Variants in PITPNB observed in about 807,000 individuals in gnomAD.
PITPNB encodes phosphatidylinositol transfer protein beta.
PITPNB carries 16 observed loss-of-function variants against 45.9 expected under a neutral mutation model. The observed-to-expected ratio is 0.35, with a 90% CI of 0.24 to 0.53. PITPNB has a LOEUF of 0.53. Ranked by LOEUF, PITPNB falls within the 20% of genes least tolerant of loss-of-function variation. The probability of loss-of-function intolerance (pLI) is 0.93; values close to 1 mark genes in which losing one functional copy is unlikely to be tolerated. For missense variants in PITPNB, 188 were observed against 330.5 expected, an observed-to-expected ratio of 0.57 and a Z score of 3.34; for synonymous variants, 112 against 108.9, an observed-to-expected ratio of 1.03 and a Z score of -0.18.
In PITPNB at chr22:27,898,426, G is replaced by GT. The variant is rs956443373; in HGVS notation, c.198-535dup. On this transcript the variant is annotated intron_variant, in intron 3 of 11. Transcript: ENST00000335272. ...AAAAGGTTTTGTGTGTGTGTGTGTG[G>GT]TTTTTTTTTTTTTAAATAGAAGCAA... Among the ~76,000 whole-genome samples, 939 of 142,962 alleles carry GT rather than the reference G, an allele frequency of 6.6e-3. 3 individuals carry two copies. Among genetic ancestry groups the GT allele is most frequent in the African/African-American group, 0.013 (515 of 39,464 alleles). 93.8% of individuals were successfully genotyped at this position (142,962 alleles called of 152,430 possible). A position where few individuals can be genotyped will look rare whatever the true frequency, so the allele number is the denominator to read the frequency against.
chr22:27,854,580 C>A (rs1490328107), intron 11 of PITPNB, among the ~76,000 whole-genome samples: 2 of 152,136 alleles, frequency 1.3e-5, no homozygotes, highest in Admixed American at 6.5e-5. Context: ...GCTTCCAGGA[C>A]AATGTGCTAC....
chr22:27,906,916 G>C (rs1935778522), intron 3 of PITPNB, among the ~76,000 whole-genome samples: 1 of 152,200 alleles, frequency 6.6e-6, no homozygotes, highest in Non-Finnish European at 1.5e-5. Context: ...TTGAGATTAA[G>C]TGTATATATG....
At chr22:27,858,748 G>A (rs1272441526) in intron 9 of PITPNB, among the ~76,000 whole-genome samples, 1 of 152,068 alleles carries the variant, frequency 6.6e-6, no homozygotes, top group East Asian at 1.9e-4. Flanking sequence ...AAGGTGTCAT[G>A]ATCTAGTAGA....
At chr22:27,905,647 C>CCTCTT (rs1223992565) in intron 3 of PITPNB, among the ~76,000 whole-genome samples, 2 of 152,202 alleles carry the variant, frequency 1.3e-5, no homozygotes, top group African/African-American at 4.8e-5. Flanking sequence ...TCAATAAAAA[C>CCTCTT]CTCTTCTGTT....
intron 8 of PITPNB, among the ~76,000 whole-genome samples, chr22:27,872,895 A>G (rs1216221505): frequency 6.6e-6 from 1 of 152,252 alleles, no homozygotes; most frequent in African/African-American, 2.4e-5. Flanking sequence ...AAAATGCATT[A>G]TATTTCTATA....
At position 27,854,884 on chromosome 22, in the gene PITPNB, G is replaced by A. The variant is rs1343999752; in HGVS notation, c.*8C>T. On this transcript the variant is annotated 3_prime_UTR_variant, in exon 11 of 12. Transcript: ENST00000335272. ...TTGACATTGTCTCTGACCCTACAGG[G>A]GACTCATCTAGACATCAGCAGCCGA... 3 of 1,612,848 alleles carry A rather than the reference G, an allele frequency of 1.9e-6. No individual in the cohort carries two copies. In the South Asian group the frequency reaches 3.3e-5, roughly 18 times the overall value.
intron 7 of PITPNB, among the ~76,000 whole-genome samples, chr22:27,893,241 T>C (rs1220471536): frequency 1.3e-5 from 2 of 151,808 alleles, no homozygotes; most frequent in African/African-American, 4.8e-5. Flanking sequence ...AGAACCACAT[T>C]AATATTCATA....
At chr22:27,911,302 A>G (rs1036463717) in intron 2 of PITPNB, among the ~76,000 whole-genome samples, 193 bp from the exon 3 acceptor site, 1 of 152,246 alleles carries the variant, frequency 6.6e-6, no homozygotes, top group Admixed American at 6.5e-5. Flanking sequence ...ATTATTATAC[A>G]GTTTTAAAAA....
intron 3 of PITPNB, among the ~76,000 whole-genome samples, chr22:27,908,460 A>G (rs151115635): frequency 1.3e-3 from 194 of 151,904 alleles, no homozygotes; most frequent in African/African-American, 4.5e-3. Context: ...CTTAGATTTC[A>G]ACCAGAGGAC....
chr22:27,890,136 C>A (rs2146392017), intron 7 of PITPNB, among the ~76,000 whole-genome samples: 1 of 152,160 alleles, frequency 6.6e-6, no homozygotes, highest in South Asian at 2.1e-4. Context: ...GGTCCCTGCA[C>A]CACTAGATTT....
chr22:27,900,220 A>T (rs973849041), intron 3 of PITPNB, among the ~76,000 whole-genome samples: 2 of 151,918 alleles, frequency 1.3e-5, no homozygotes, highest in Non-Finnish European at 2.9e-5. Context: ...AATAAAAAAA[A>T]AAAAAGAAAG....
intron 3 of PITPNB, among the ~76,000 whole-genome samples, chr22:27,901,457 T>C (rs5752657): frequency 3.3e-5 from 5 of 152,202 alleles, no homozygotes; most frequent in African/African-American, 1.2e-4. Context: ...GGGAAGAATT[T>C]GAAGACCAGA....
intron 7 of PITPNB, among the ~76,000 whole-genome samples, chr22:27,888,109 T>C (rs1935176903): frequency 1.3e-5 from 2 of 152,238 alleles, no homozygotes; most frequent in African/African-American, 4.8e-5. Flanking sequence ...CCTTTTAATA[T>C]AACAAATGGA....
intron 8 of PITPNB, among the ~76,000 whole-genome samples, chr22:27,865,385 G>C (rs1041924881): frequency 6.6e-6 from 1 of 152,108 alleles, no homozygotes; most frequent in African/African-American, 2.4e-5. Context: ...CAAGTTAAAA[G>C]CTGAATTAAG....
At chr22:27,858,333 T>C in intron 10 of PITPNB, 54 bp downstream of exon 10, 2 of 1,404,170 alleles carry the variant, frequency 1.4e-6, no homozygotes, top group African/African-American at 1.4e-5. Flanking sequence ...CAAGCATGTA[T>C]ACAGTTTTAG....
intron 7 of PITPNB, among the ~76,000 whole-genome samples, chr22:27,885,071 G>A (rs1303360190): frequency 2.7e-5 from 4 of 149,670 alleles, no homozygotes; most frequent in Middle Eastern, 3.5e-3. Flanking sequence ...AGGTCTCTCT[G>A]ATGTTAATCG....
rs1022493870 is a variant in PITPNB, at chr22:27,917,893, G to T, written c.20+1279C>A. ...CCCCAAATAGTGGGAACTACAATTA[G>T]GTCTTCAGAAAGGGATTCCCTGAGA... On this transcript the variant is annotated intron_variant, in intron 1 of 11. Transcript: ENST00000335272. Among the ~76,000 whole-genome samples, 6 of 152,160 alleles carry T rather than the reference G, an allele frequency of 3.9e-5. 1 individual carries two copies. In the South Asian group the frequency reaches 1.0e-3, roughly 26 times the overall value.
intron 3 of PITPNB, among the ~76,000 whole-genome samples, chr22:27,904,089 G>A (rs1290318285): frequency 6.6e-6 from 1 of 152,172 alleles, no homozygotes; most frequent in East Asian, 1.9e-4. Context: ...GTTAAACACA[G>A]AGTGATCATA....
intron 3 of PITPNB, among the ~76,000 whole-genome samples, chr22:27,899,496 T>C (rs1935532541): frequency 6.6e-6 from 1 of 152,130 alleles, no homozygotes; most frequent in African/African-American, 2.4e-5. Context: ...CTAATTTTTT[T>C]GTATTTTTAG....
Sources: allele counts gnomAD v4.1 joint callset (sites outside exome capture counted in the v4.1 genomes callset), GRCh38; gene constraint gnomAD v4.1.1; transcripts MANE v1.5; gene names NCBI Gene and HGNC (gene_info 2026-07-23, HGNC 2026-07-21).